ALB: variants seen among roughly 807,000 people sequenced by gnomAD.
ALB encodes the protein albumin, also known as serum albumin.
A neutral mutation model predicts 74.5 loss-of-function variants in ALB; 37 were observed. The observed-to-expected ratio is 0.50, with a 90% CI of 0.38 to 0.65. The LOEUF (loss-of-function observed/expected upper bound fraction) is 0.65. Among genes scored for constraint, ALB ranks in the 30% least tolerant of loss-of-function variants. The pLI is 0.00. For missense variants in ALB, 685 were observed against 718.7 expected (o/e 0.95, Z 0.54); for synonymous variants, 249 against 251.6 (o/e 0.99, Z 0.10).
intron 10 of ALB, 111 bp from the exon 11 acceptor site, chr4:73,417,420 T>C: frequency 1.5e-6 from 2 of 1,351,108 alleles, no homozygotes; most frequent in Non-Finnish European, 2.1e-6. Context: ...GATAATATGA[T>C]GAATGGAACA....
intron 7 of ALB, 174 bp downstream of exon 7, chr4:73,412,299 C>T (rs1013718134): frequency 3.8e-6 from 3 of 787,816 alleles, no homozygotes; most frequent in African/African-American, 3.4e-5. Flanking sequence ...TGTTTTTAAC[C>T]TGGCTATAAA....
chr4:73,417,451 C>A lies in ALB; in HGVS notation c.1290-80C>A. ...GAACATAGCAACATCTTAGTTGATT[C>A]CGGCCAAGTGTTCTCTGTTTTATCT... On this transcript the variant is annotated intron_variant, in intron 10 of 14. Transcript: ENST00000295897. 3 of 1,531,764 alleles carry A rather than the reference C, an allele frequency of 2.0e-6. No individual in the cohort carries two copies. In the South Asian group the frequency reaches 3.4e-5, roughly 17 times the overall value. 94.9% of individuals were successfully genotyped at this position (1,531,764 alleles called of 1,614,324 possible). A position where few individuals can be genotyped will look rare whatever the true frequency, so the allele number is the denominator to read the frequency against.
At chr4:73,407,599 T>C (rs954146688) in intron 3 of ALB, among the ~76,000 whole-genome samples, 12 of 152,218 alleles carry the variant, frequency 7.9e-5, no homozygotes, top group African/African-American at 2.9e-4. Flanking sequence ...CTCTTAGAGA[T>C]GATATCATGG....
rs766814622 is a variant in ALB, at chr4:73,413,712, G to A, written c.1058+78G>A. 60 of 1,395,310 alleles carry A rather than the reference G, an allele frequency of 4.3e-5. No individual in the cohort carries two copies. The South Asian group carries it at 5.5e-4, about 13-fold the overall frequency. 86.4% of individuals were successfully genotyped at this position (1,395,310 alleles called of 1,614,324 possible). A position where few individuals can be genotyped will look rare whatever the true frequency, so the allele number is the denominator to read the frequency against. ...AGGAGGATAGCCTAGGCTTTTCTGT[G>A]GAGTTGCTACAATTTCCCTGCTGCC... is the stretch of plus-strand genomic sequence containing the variant. On this transcript the variant is annotated intron_variant, in intron 8 of 14. Coordinates refer to ENST00000295897, the MANE Select transcript of ALB (RefSeq NM_000477.7).
At position 73,420,254 on chromosome 4, in the gene ALB, G is replaced by A; in HGVS notation, c.1786G>A (p.Gly596Ser). 1 of 1,611,926 alleles carries A rather than the reference G, an allele frequency of 6.2e-7. No individual in the cohort carries two copies. The highest frequency in any genetic ancestry group is 8.5e-7 in the Non-Finnish European group (1 of 1,178,606). ...DDKETCFAEE[G>S]KKLVAASQAA... ...ACATCTGTCATGTCTTTGTGTTCAG[G>A]GTAAAAAACTTGTTGCTGCAAGTCA... The change falls in exon 14 of 15, where the codon GGT (glycine) becomes AGT (serine). Residue 596 changes from glycine (G) to serine (S), a missense_variant and splice_region_variant. Physicochemically the swap from Gly to Ser is moderately conservative, Grantham distance 56. Transcript: ENST00000295897.
intron 4 of ALB, 107 bp downstream of exon 4, chr4:73,408,912 T>A: frequency 9.9e-7 from 1 of 1,005,654 alleles, no homozygotes; most frequent in Non-Finnish European, 1.4e-6. Context: ...ACATTAAGAC[T>A]TGGAAGTTTT....
rs78696173 is a variant in ALB at position 73,418,184 on chromosome 4, C to T, written c.1525C>T (p.Arg509Ter). 1 of 1,614,134 alleles carries T rather than the reference C, an allele frequency of 6.2e-7. No homozygotes were observed. ...CTGCACAGAATCCTTGGTGAACAGG[C>T]GACCATGCTTTTCAGCTCTGGAAGT... Reference protein sequence around the residue: ...KCCTESLVNRRPCFSALEVDE... With the variant: ...KCCTESLVNR The change falls in exon 12 of 15, where the codon CGA becomes TGA. Residue 509 changes from arginine to a stop codon, truncating the protein, a stop_gained. Transcript: ENST00000295897. LOFTEE classifies it high-confidence loss of function.
chr4:73,416,359 T>A lies in ALB; in HGVS notation c.1289+6T>A, dbSNP rs1719014272. On this transcript the variant is annotated splice_donor_region_variant and intron_variant, in intron 10 of 14. Transcript: ENST00000295897. ...GAGTACAAATTCCAGAATGCGTAAG[T>A]AATTTTTATTGACTGATTTTTTTTA... 6.2e-7 allele frequency: 1 copy of A among 1,600,744 alleles called. No homozygotes were observed. The highest frequency in any genetic ancestry group is 2.3e-5 in the East Asian group (1 of 44,408).
At chr4:73,412,906 T>C (rs1718917813) in intron 7 of ALB, among the ~76,000 whole-genome samples, 1 of 152,248 alleles carries the variant, frequency 6.6e-6, no homozygotes, top group African/African-American at 2.4e-5. Flanking sequence ...TCAAAACTTA[T>C]AATATTTTCT....
intron 13 of ALB, among the ~76,000 whole-genome samples, chr4:73,419,869 G>A (rs1040888352): frequency 6.6e-6 from 1 of 152,110 alleles, no homozygotes; most frequent in Non-Finnish European, 1.5e-5. Context: ...TTCCAAATTT[G>A]TGATGCTTAT....
chr4:73,411,488 G>GA (rs1435487287), intron 6 of ALB, among the ~76,000 whole-genome samples: 1 of 152,126 alleles, frequency 6.6e-6, no homozygotes. Flanking sequence ...TTAGAAGTCA[G>GA]AAAAAATGTG....
rs1196247143 is a variant in ALB, at chr4:73,415,171, G to A, written c.1191+4G>A. On this transcript the variant is annotated splice_donor_region_variant and intron_variant, in intron 9 of 14. Coordinates refer to ENST00000295897, the MANE Select transcript of ALB (RefSeq NM_000477.7). ...TCATGAATGCTATGCCAAAGTGGTA[G>A]GTTTATTGTTGGAAAAAAATGTAGT... 8 of 1,613,880 alleles carry A rather than the reference G, an allele frequency of 5.0e-6. No individual in the cohort carries two copies. The South Asian group carries it at 5.5e-5, about 11-fold the overall frequency.
In ALB at chr4:73,415,049, A is replaced by G. The variant is rs537985931; in HGVS notation, c.1073A>G (p.Tyr358Cys). ...ATCTTAATTAGGTTTTTGTATGAAT[A>G]TGCAAGAAGGCATCCTGATTACTCT... Reference protein sequence around the residue: ...DVFLGMFLYEYARRHPDYSVV... With the variant: ...DVFLGMFLYECARRHPDYSVV... Residue 358 changes from tyrosine (Y) to cysteine (C), a missense_variant, in exon 9 of 15, where the codon TAT becomes TGT. Tyr to Cys is a radical substitution (Grantham distance 194, BLOSUM62 -2). Coordinates refer to ENST00000295897, the MANE Select transcript of ALB (RefSeq NM_000477.7). 17 of 1,613,988 alleles carry G rather than the reference A, an allele frequency of 1.1e-5. No individual in the cohort carries two copies. In the East Asian group the frequency reaches 2.2e-4, roughly 21 times the overall value.
At position 73,408,753 on chromosome 4, in the gene ALB, GT is replaced by G; in HGVS notation, c.432del (p.Asp145MetfsTer2). ...CCTCCCCCGATTGGTGAGACCAGAGGTTGATGTGATGTGCACTGCTTTTCAT... is the reference window on the plus strand; with the variant it reads ...CCTCCCCCGATTGGTGAGACCAGAGGTGATGTGATGTGCACTGCTTTTCAT... ...PNLPRLVRPE[V>X]DVMCTAFHDN... On this transcript the variant is annotated frameshift_variant, in exon 4 of 15. Coordinates refer to ENST00000295897, the MANE Select transcript of ALB (RefSeq NM_000477.7). LOFTEE classifies it high-confidence loss of function. The G allele has an allele frequency of 6.2e-7, 1 of 1,613,988 alleles. No individual in the cohort carries two copies.
At chr4:73,419,905 G>A (rs897892147) in intron 13 of ALB, among the ~76,000 whole-genome samples, 13 of 152,080 alleles carry the variant, frequency 8.5e-5, no homozygotes, top group African/African-American at 3.1e-4. Flanking sequence ...TATTTGTAAG[G>A]CCTGAAATAT....
intron 9 of ALB, 69 bp from the exon 10 acceptor site, chr4:73,416,187 A>T: frequency 8.6e-7 from 1 of 1,168,562 alleles, no homozygotes; most frequent in Non-Finnish European, 1.3e-6. Flanking sequence ...TTCTGACCAG[A>T]GGGGTGAAAA....
chr4:73,417,850 AT>A (rs371597764), intron 11 of ALB, among the ~76,000 whole-genome samples, 181 bp downstream of exon 11: 309 of 140,118 alleles, frequency 2.2e-3, no homozygotes, highest in Middle Eastern at 7.3e-3. Flanking sequence ...GAGGATGATA[AT>A]TTTTTTTTTT....
chr4:73,406,229 A>C (rs1718724533), intron 2 of ALB, among the ~76,000 whole-genome samples: 1 of 152,196 alleles, frequency 6.6e-6, no homozygotes, highest in South Asian at 2.1e-4. Context: ...ACTGCACTCC[A>C]GCCTGGGTGA....
Position 73,421,083 on chromosome 4 carries a change from G to C in ALB, c.*24-9G>C, listed in dbSNP as rs918111654. On this transcript the variant is annotated splice_polypyrimidine_tract_variant and intron_variant, in intron 14 of 14. Coordinates refer to ENST00000295897, the MANE Select transcript of ALB (RefSeq NM_000477.7). Reference sequence around the variant, plus strand: ...AAATAAGACTTATATTTGTCCTTTTGTTTTTCAGCCTACCATGAGAATAAG... The same window carrying C: ...AAATAAGACTTATATTTGTCCTTTTCTTTTTCAGCCTACCATGAGAATAAG... 1 of 688,928 alleles carries C rather than the reference G, an allele frequency of 1.5e-6. No individual in the cohort carries two copies. The highest frequency in any genetic ancestry group is 2.1e-5 in the Admixed American group (1 of 47,218). 42.7% of individuals were successfully genotyped at this position (688,928 alleles called of 1,614,324 possible).
Sources: gnomAD v4.1 joint callset for allele counts (sites outside exome capture counted in the v4.1 genomes callset) on GRCh38, gnomAD v4.1.1 for gene constraint, MANE v1.5 for transcripts, NCBI Gene and HGNC (gene_info 2026-07-23, HGNC 2026-07-21) for gene names.